The following FMNL3 variants were observed in gnomAD, a reference collection of about 807,000 sequenced individuals.
FMNL3 encodes the protein formin like 3.
A neutral mutation model predicts 119.6 loss-of-function variants in FMNL3; 57 were observed. That is an observed-to-expected ratio of 0.48 (90% CI 0.39 to 0.59). The LOEUF (loss-of-function observed/expected upper bound fraction) is 0.59. Among genes scored for constraint, FMNL3 ranks in the 20% least tolerant of loss-of-function variants. The pLI is 0.00. For synonymous variants in FMNL3, 491 were observed against 507.3 expected (o/e 0.97, Z 0.43); for missense variants, 1,053 against 1,323.5 (o/e 0.80, Z 3.17).
intron 2 of FMNL3, among the ~76,000 whole-genome samples, chr12:49,666,749 A>G (rs1298027215): frequency 2.0e-5 from 3 of 152,024 alleles, no homozygotes; most frequent in South Asian, 2.1e-4. Context: ...GTAAGATATG[A>G]TCATGCCATT....
intron 11 of FMNL3, 38 bp from the exon 12 acceptor site, chr12:49,653,912 C>A: frequency 6.2e-7 from 1 of 1,607,038 alleles, no homozygotes; most frequent in Non-Finnish European, 8.5e-7. Flanking sequence ...GTTGTAGGAG[C>A]AGGCAGATCA....
At position 49,640,771 on chromosome 12, in the gene FMNL3, G is replaced by T. The variant is rs1198504725; in HGVS notation, c.*5044C>A. On this transcript the variant is annotated 3_prime_UTR_variant, in exon 26 of 26. Transcript: ENST00000335154. ...TTTTCCTTTCTGCTGCATTTCAAGA[G>T]GTTTTGAAACAATGGAAAAGAGCAG... The T allele has an allele frequency of 6.6e-6, 1 of 152,188 alleles. No homozygotes were observed. Among genetic ancestry groups the T allele is most frequent in the Non-Finnish European group, 1.5e-5 (1 of 68,034 alleles). 9.4% of individuals were successfully genotyped at this position (152,188 alleles called of 1,614,324 possible).
chr12:49,703,128 G>A (rs1320464891), intron 1 of FMNL3, among the ~76,000 whole-genome samples: 1 of 152,098 alleles, frequency 6.6e-6, no homozygotes, highest in African/African-American at 2.4e-5. Flanking sequence ...GCTTTTTCTG[G>A]CATCAGAACT....
rs1461006414 is a variant in FMNL3 at position 49,656,915 on chromosome 12, C to T, written c.715-16G>A. 1 of 1,611,040 alleles carries T rather than the reference C, an allele frequency of 6.2e-7. No homozygotes were observed. Among genetic ancestry groups the T allele is most frequent in the East Asian group, 2.2e-5 (1 of 44,874 alleles). On this transcript the variant is annotated splice_polypyrimidine_tract_variant and intron_variant, in intron 7 of 25. Transcript: ENST00000335154. ...TGAATCCGTACTGCAAGGGAAAGGA[C>T]AGAAGGAGGGGACCTTGATGGTGGG...
chr12:49,669,869 C>CAAAACA (rs1555220920), intron 1 of FMNL3, among the ~76,000 whole-genome samples: 1 of 150,762 alleles, frequency 6.6e-6, no homozygotes, highest in Non-Finnish European at 1.5e-5. Context: ...CAAAACAAAA[C>CAAAACA]AAAACACACA....
intron 4 of FMNL3, among the ~76,000 whole-genome samples, chr12:49,664,828 G>T (rs1404533933): frequency 6.6e-6 from 1 of 152,136 alleles, no homozygotes; most frequent in Admixed American, 6.5e-5. Context: ...GGGAAGGCTT[G>T]CCCTGGGGGC....
At chr12:49,698,351 G>T (rs1944809228) in intron 1 of FMNL3, among the ~76,000 whole-genome samples, 1 of 152,080 alleles carries the variant, frequency 6.6e-6, no homozygotes, top group Admixed American at 6.6e-5. Context: ...TAATATACAA[G>T]AGCCTAAACT....
intron 1 of FMNL3, among the ~76,000 whole-genome samples, chr12:49,691,602 T>C (rs1196073474): frequency 6.6e-6 from 1 of 152,228 alleles, no homozygotes; most frequent in Non-Finnish European, 1.5e-5. Context: ...CTTTTTACTG[T>C]GGAAACAGTG....
At chr12:49,697,337 C>A (rs937933984) in intron 1 of FMNL3, among the ~76,000 whole-genome samples, 1 of 152,180 alleles carries the variant, frequency 6.6e-6, no homozygotes, top group Non-Finnish European at 1.5e-5. Context: ...CAAGAAAGCA[C>A]CACACACCAT....
Position 49,643,532 on chromosome 12 carries a change from T to G in FMNL3, c.*2283A>C. ...ACCTGTGGAAGTAGAAAGAACTTCC[T>G]CTACCTGCCCAAGCAAGAAGCTGGA... On this transcript the variant is annotated 3_prime_UTR_variant, in exon 26 of 26. Coordinates refer to ENST00000335154, the MANE Select transcript of FMNL3 (RefSeq NM_175736.5). 7.3e-7 allele frequency: 1 copy of G among 1,367,598 alleles called. No individual in the cohort carries two copies. The highest frequency in any genetic ancestry group is 9.9e-7 in the Non-Finnish European group (1 of 1,011,920). The allele number at this position is 1,367,598 out of a possible 1,614,324, so 84.7% of individuals were successfully genotyped here.
intron 1 of FMNL3, among the ~76,000 whole-genome samples, chr12:49,696,514 CA>C (rs775921790): frequency 4.6e-5 from 7 of 152,154 alleles, no homozygotes; most frequent in Non-Finnish European, 7.3e-5. Flanking sequence ...GTTTTGTTTA[CA>C]GAATAATTAC....
At chr12:49,665,987 G>A (rs778644249) in intron 3 of FMNL3, 79 bp from the exon 4 acceptor site, 14 of 1,556,228 alleles carry the variant, frequency 9.0e-6, no homozygotes, top group Non-Finnish European at 1.2e-5. Flanking sequence ...AGCCATTCCA[G>A]GCCCTTGGCC....
intron 4 of FMNL3, among the ~76,000 whole-genome samples, chr12:49,662,709 C>T (rs1289316157): frequency 6.6e-6 from 1 of 152,198 alleles, no homozygotes; most frequent in African/African-American, 2.4e-5. Flanking sequence ...CAGAGTCAAC[C>T]TGAGTACGTG....
At position 49,649,967 on chromosome 12, in the gene FMNL3, C is replaced by G. The variant is rs760246790; in HGVS notation, c.2001-42G>C. On this transcript the variant is annotated intron_variant, in intron 17 of 25. Coordinates refer to ENST00000335154, the MANE Select transcript of FMNL3 (RefSeq NM_175736.5). The surrounding 1 kb of genome is among the most constrained non-coding windows in gnomAD (Gnocchi z 5.6). ...GACCACCTCAGTTCTCACATCTCTC[C>G]ACGTTTTCCCTCATCCCTTTTATTC... 1.4e-5 allele frequency: 22 copies of G among 1,534,544 alleles called. No homozygotes were observed. The highest frequency in any genetic ancestry group is 3.6e-5 in the Admixed American group (2 of 56,280).
At position 49,653,769 on chromosome 12, in the gene FMNL3, C is replaced by T. The variant is rs1943480427; in HGVS notation, c.1177G>A (p.Val393Ile). The T allele has an allele frequency of 6.2e-7, 1 of 1,614,106 alleles. No individual in the cohort carries two copies. Among genetic ancestry groups the T allele is most frequent in the African/African-American group, 1.3e-5 (1 of 74,928 alleles). The change falls in exon 12 of 26, where the codon GTA (valine) becomes ATA (isoleucine). Residue 393 changes from valine to isoleucine, a missense_variant. Physicochemically the swap from Val to Ile is conservative, Grantham distance 29. Around this residue, in one of 4 missense-constraint regions of FMNL3, gnomAD observed 445 missense variants for 628.4 expected, o/e 0.71. Transcript: ENST00000335154. ...GLLEDAETKN[V>I]ALEKVEELEE... is the part of the protein sequence containing the mutation. ...AACTCCTCCACCTTCTCCAGGGCTA[C>T]ATTCTTGGTCTCAGCATCCTCCAAC...
chr12:49,642,181 G>A lies in FMNL3; in HGVS notation c.*3634C>T. 6.2e-7 allele frequency: 1 copy of A among 1,613,490 alleles called. No individual in the cohort carries two copies. The highest frequency in any genetic ancestry group is 1.7e-5 in the Admixed American group (1 of 60,016). On this transcript the variant is annotated 3_prime_UTR_variant, in exon 26 of 26. Transcript: ENST00000335154. This position sits in a 1 kb window ranked among gnomAD's most constrained non-coding sequence, Gnocchi z 5.8. ...CACCTCCTAAGGTATGCCTGAGTGG[G>A]ACCTGGCATCCACCCTCCTGGGTGA...
At position 49,647,238 on chromosome 12, in the gene FMNL3, T is replaced by A; in HGVS notation, c.2871+38A>T. ...GACCCCCAGCCCCCACTCTTTTGCC[T>A]TGTCGTCCTCCAGGCCCCAGCTCTT... On this transcript the variant is annotated intron_variant, in intron 24 of 25. Coordinates refer to ENST00000335154, the MANE Select transcript of FMNL3 (RefSeq NM_175736.5). The surrounding 1 kb of genome is among the most constrained non-coding windows in gnomAD (Gnocchi z 4.9). 6.2e-7 allele frequency: 1 copy of A among 1,610,964 alleles called. No homozygotes were observed. Among genetic ancestry groups the A allele is most frequent in the Non-Finnish European group, 8.5e-7 (1 of 1,177,406 alleles).
Position 49,644,184 on chromosome 12 carries a change from C to G in FMNL3, c.*1631G>C, listed in dbSNP as rs1167997885. 1 of 1,614,086 alleles carries G rather than the reference C, an allele frequency of 6.2e-7. No individual in the cohort carries two copies. The highest frequency in any genetic ancestry group is 2.2e-5 in the East Asian group (1 of 44,894). On this transcript the variant is annotated 3_prime_UTR_variant, in exon 26 of 26. Transcript: ENST00000335154. ...GACACTCCTACAGCAGCTGGATGAT[C>G]ACCAGTGACCCAATGAGCTGTTCTC...
chr12:49,656,164 T>C (rs970399689), intron 9 of FMNL3, among the ~76,000 whole-genome samples: 1 of 152,078 alleles, frequency 6.6e-6, no homozygotes, highest in Admixed American at 6.6e-5. Flanking sequence ...CATTGGACTA[T>C]AGCCCTCAGC....
Sources: gnomAD v4.1 joint callset for allele counts (sites outside exome capture counted in the v4.1 genomes callset) on GRCh38, gnomAD v4.1.1 for gene constraint, gnomAD v4.1.1 regional missense constraint, Gnocchi (gnomAD v3.1) non-coding constraint, MANE v1.5 for transcripts, NCBI Gene and HGNC (gene_info 2026-07-23, HGNC 2026-07-21) for gene names.